BANK1: variants seen among roughly 807,000 people sequenced by gnomAD.
The protein encoded by BANK1 is B-cell scaffold protein with ankyrin repeats.
A neutral mutation model predicts 94.5 loss-of-function variants in BANK1; 95 were observed. The observed-to-expected ratio is 1.00, with a 90% CI of 0.85 to 1.19. BANK1 has a LOEUF of 1.19. Among genes scored for constraint, BANK1 ranks in the 50% most tolerant of loss-of-function variants. The pLI is 0.00. For synonymous variants in BANK1, 334 were observed against 308.4 expected (o/e 1.08, Z -0.87); for missense variants, 987 against 932.2 (o/e 1.06, Z -0.77).
At chr4:101,807,452 C>T (rs1259999868) in intron 1 of BANK1, among the ~76,000 whole-genome samples, 2 of 152,042 alleles carry the variant, frequency 1.3e-5, no homozygotes, top group Non-Finnish European at 2.9e-5. Flanking sequence ...AGCTCCAAAC[C>T]GAGACATTGT....
intron 5 of BANK1, among the ~76,000 whole-genome samples, chr4:101,873,710 C>A (rs1267396484): frequency 6.6e-6 from 1 of 151,910 alleles, no homozygotes; most frequent in African/African-American, 2.4e-5. Flanking sequence ...CAGAACATAG[C>A]CTCATAAAGG....
chr4:101,818,913 C>T (rs1490934701), intron 1 of BANK1, among the ~76,000 whole-genome samples: 1 of 143,822 alleles, frequency 7.0e-6, no homozygotes, highest in Non-Finnish European at 1.5e-5. Context: ...GAATGGGATT[C>T]GACAGTTTCA....
chr4:102,067,044 T>A (rs1015831315), intron 13 of BANK1, among the ~76,000 whole-genome samples: 1 of 152,102 alleles, frequency 6.6e-6, no homozygotes, highest in Non-Finnish European at 1.5e-5. Flanking sequence ...ATGTGTCAAC[T>A]ATAAGGCATG....
chr4:101,842,375 C>A (rs1324211686), intron 2 of BANK1, among the ~76,000 whole-genome samples: 1 of 152,190 alleles, frequency 6.6e-6, no homozygotes, highest in Non-Finnish European at 1.5e-5. Context: ...TTAATAAATT[C>A]TATGAGCCAA....
chr4:101,945,266 C>T (rs1458066849), intron 7 of BANK1, among the ~76,000 whole-genome samples: 1 of 151,838 alleles, frequency 6.6e-6, no homozygotes, highest in Non-Finnish European at 1.5e-5. Context: ...ACTAGGAAGG[C>T]CATATCTGTT....
At chr4:101,806,699 G>GA (rs1271250821) in intron 1 of BANK1, among the ~76,000 whole-genome samples, 21 of 152,170 alleles carry the variant, frequency 1.4e-4, no homozygotes, top group African/African-American at 4.8e-4. Flanking sequence ...CTGCAGAGAT[G>GA]AAAATAGCTT....
intron 4 of BANK1, among the ~76,000 whole-genome samples, chr4:101,867,991 C>CT (rs1265886677): frequency 1.3e-5 from 2 of 151,358 alleles, no homozygotes; most frequent in Non-Finnish European, 3.0e-5. Context: ...AGTGAATAGT[C>CT]TAAGAACGCC....
chr4:101,899,080 G>A (rs1226735193), intron 6 of BANK1, among the ~76,000 whole-genome samples: 2 of 151,868 alleles, frequency 1.3e-5, no homozygotes, highest in African/African-American at 4.8e-5. Context: ...GAAGCATGAA[G>A]TTTTACGGAC....
At chr4:101,942,791 ATGT>A (rs1425367646) in intron 7 of BANK1, among the ~76,000 whole-genome samples, 3 of 151,918 alleles carry the variant, frequency 2.0e-5, no homozygotes, top group African/African-American at 7.2e-5. Context: ...AATATTTAAG[ATGT>A]TGTATCTATT....
chr4:102,031,987 A>T (rs759779108), intron 10 of BANK1, among the ~76,000 whole-genome samples: 122 of 152,344 alleles, frequency 8.0e-4, no homozygotes, highest in Admixed American at 4.4e-3. Flanking sequence ...TTTCAGCTGA[A>T]ATAAAACATG....
intron 10 of BANK1, among the ~76,000 whole-genome samples, chr4:102,041,082 T>C (rs1022869869): frequency 6.6e-6 from 1 of 152,082 alleles, no homozygotes; most frequent in Non-Finnish European, 1.5e-5. Context: ...AATAATGTAC[T>C]TTTGTATATA....
intron 1 of BANK1, among the ~76,000 whole-genome samples, chr4:101,821,607 A>G (rs888359842): frequency 1.3e-5 from 2 of 152,130 alleles, no homozygotes; most frequent in Non-Finnish European, 2.9e-5. Context: ...TCTTTAATCC[A>G]TCATGAGCTG....
intron 2 of BANK1, among the ~76,000 whole-genome samples, chr4:101,852,892 C>G (rs1433168028): frequency 6.6e-6 from 1 of 151,962 alleles, no homozygotes; most frequent in Non-Finnish European, 1.5e-5. Flanking sequence ...GAAGAATTAG[C>G]AGAAAATCCT....
intron 2 of BANK1, among the ~76,000 whole-genome samples, chr4:101,837,164 C>T (rs972869134): frequency 6.6e-6 from 1 of 152,160 alleles, no homozygotes; most frequent in African/African-American, 2.4e-5. Flanking sequence ...AAAACACTTA[C>T]TTTGATTGTT....
At chr4:101,950,018 G>GGTGTGTGTGTGT (rs6148602) in intron 7 of BANK1, among the ~76,000 whole-genome samples, 97 of 149,398 alleles carry the variant, frequency 6.5e-4, no homozygotes, top group African/African-American at 1.4e-3. Context: ...GGAAGTAAGG[G>GGTGTGTGTGTGT]GTGTGTGTGT....
chr4:101,886,993 G>C (rs1728883188), intron 5 of BANK1, among the ~76,000 whole-genome samples: 1 of 152,158 alleles, frequency 6.6e-6, no homozygotes, highest in Non-Finnish European at 1.5e-5. Flanking sequence ...CTTGAAGCTA[G>C]GTGTAGCCAT....
chr4:101,944,945 T>C lies in BANK1; in HGVS notation c.1206+26756T>C, dbSNP rs938614032. On this transcript the variant is annotated intron_variant, in intron 7 of 16. Transcript: ENST00000322953. Reference sequence around the variant, plus strand: ...AACAGAAGCAAGTGTGTGCGGAAAATAAAAGCATTTCAAATGAATAGCAAT... The same window carrying C: ...AACAGAAGCAAGTGTGTGCGGAAAACAAAAGCATTTCAAATGAATAGCAAT... Among the ~76,000 whole-genome samples, 6 of 151,916 alleles carry C rather than the reference T, an allele frequency of 3.9e-5. No individual in the cohort carries two copies. In the South Asian group the frequency reaches 8.3e-4, roughly 21 times the overall value.
intron 7 of BANK1, among the ~76,000 whole-genome samples, chr4:101,947,103 T>G (rs947103015): frequency 2.6e-5 from 4 of 151,564 alleles, no homozygotes; most frequent in African/African-American, 9.7e-5. Flanking sequence ...ACTAAGCATT[T>G]CTGCAATGTG....
chr4:101,810,975 G>A (rs1038378643), intron 1 of BANK1, among the ~76,000 whole-genome samples: 5 of 152,102 alleles, frequency 3.3e-5, no homozygotes, highest in Non-Finnish European at 5.9e-5. Flanking sequence ...AGGCATGCGG[G>A]CTTCATATTT....
Sources: gnomAD v4.1 joint callset for allele counts (sites outside exome capture counted in the v4.1 genomes callset) on GRCh38, gnomAD v4.1.1 for gene constraint, MANE v1.5 for transcripts, NCBI Gene and HGNC (gene_info 2026-07-23, HGNC 2026-07-21) for gene names.